The following SEPTIN14 variants were observed in gnomAD, a reference collection of about 807,000 sequenced individuals.
The protein encoded by SEPTIN14 is septin-14.
Under a neutral mutation model 53.6 loss-of-function variants are expected in SEPTIN14, and 40 were observed. That is an observed-to-expected ratio of 0.75 (90% CI 0.58 to 0.97). The LOEUF is 0.97. Ranked by LOEUF, SEPTIN14 falls within the 50% of genes least tolerant of loss-of-function variation. SEPTIN14 has a pLI of 0.00. For synonymous variants in SEPTIN14, 138 were observed against 166.8 expected (o/e 0.83, Z 1.33); for missense variants, 471 against 508.2 (o/e 0.93, Z 0.70).
At position 55,847,443 on chromosome 7, in the gene SEPTIN14, T is replaced by C. The variant is rs144971759; in HGVS notation, c.55-806A>G. ...AGAAACCCCTCCTAAATTGAACATA[T>C]TGTAAGTCAAAACTGCATTTAACAC... On this transcript the variant is annotated intron_variant, in intron 2 of 9. Transcript: ENST00000388975. 2.8e-3 allele frequency among the ~76,000 whole-genome samples: 424 copies of C among 152,276 alleles called. 5 individuals carry two copies. The highest frequency in any genetic ancestry group is 0.01 in the Middle Eastern group (3 of 292).
chr7:55,836,366 TA>T (rs1196386495), intron 5 of SEPTIN14, among the ~76,000 whole-genome samples: 1 of 152,326 alleles, frequency 6.6e-6, no homozygotes, highest in South Asian at 2.1e-4. Flanking sequence ...TCAATATCTG[TA>T]ATATAGTAGA....
At position 55,795,861 on chromosome 7, in the gene SEPTIN14, C is replaced by T. The variant is rs1382714442; in HGVS notation, c.*52G>A. 1.3e-5 allele frequency: 17 copies of T among 1,273,876 alleles called. No homozygotes were observed. Among genetic ancestry groups the T allele is most frequent in the Non-Finnish European group, 1.8e-5 (16 of 892,976 alleles). The allele number at this position is 1,273,876 out of a possible 1,614,324, so 78.9% of individuals were successfully genotyped here. On this transcript the variant is annotated 3_prime_UTR_variant, in exon 10 of 10. Coordinates refer to ENST00000388975, the MANE Select transcript of SEPTIN14 (RefSeq NM_207366.3). The stretch of plus-strand genomic sequence containing the variant: ...GTTAAATGCTACAAAGACAATCTCA[C>T]AGGAAGTTGCGATGTAGAATGATAG...
intron 2 of SEPTIN14, among the ~76,000 whole-genome samples, chr7:55,856,264 G>A (rs922163701): frequency 6.6e-6 from 1 of 152,108 alleles, no homozygotes; most frequent in African/African-American, 2.4e-5. Context: ...ATGAGAACAT[G>A]TGGTATTTGG....
chr7:55,822,205 T>C (rs1018990225), intron 6 of SEPTIN14, among the ~76,000 whole-genome samples: 6 of 152,162 alleles, frequency 3.9e-5, no homozygotes, highest in African/African-American at 1.4e-4. Flanking sequence ...CTGTTTTTCA[T>C]AGTGGTTCTA....
At chr7:55,846,724 A>C (rs568149099) in intron 2 of SEPTIN14, 87 bp from the exon 3 acceptor site, 10 of 642,134 alleles carry the variant, frequency 1.6e-5, no homozygotes, top group Non-Finnish European at 2.6e-5. Context: ...CATCAAATAA[A>C]TTAGAATTGA....
At chr7:55,851,415 GT>G (rs572803494) in intron 2 of SEPTIN14, among the ~76,000 whole-genome samples, 1,694 of 146,550 alleles carry the variant, frequency 0.012, 19 homozygotes, top group African/African-American at 0.031. Context: ...ACTGCATGGA[GT>G]TTTTTTTTTT....
intron 7 of SEPTIN14, among the ~76,000 whole-genome samples, chr7:55,817,136 A>G (rs146107451): frequency 6.3e-4 from 96 of 152,260 alleles, no homozygotes; most frequent in South Asian, 6.2e-3. Flanking sequence ...ATGCATGAAG[A>G]AAAAAAGTGT....
At chr7:55,846,089 A>ATATATATATATATATG (rs1413807430) in intron 3 of SEPTIN14, among the ~76,000 whole-genome samples, 1 of 130,018 alleles carries the variant, frequency 7.7e-6, no homozygotes, top group East Asian at 2.1e-4. Flanking sequence ...ATATATATAT[A>ATATATATATATATATG]TATGTATACA....
intron 2 of SEPTIN14, among the ~76,000 whole-genome samples, chr7:55,856,635 C>T (rs986777628): frequency 7.9e-5 from 12 of 151,974 alleles, no homozygotes; most frequent in Non-Finnish European, 1.3e-4. Flanking sequence ...TCAGGTGATC[C>T]GCCTGTCTTG....
intron 2 of SEPTIN14, among the ~76,000 whole-genome samples, chr7:55,853,556 G>A (rs1012815632): frequency 6.6e-6 from 1 of 152,120 alleles, no homozygotes; most frequent in African/African-American, 2.4e-5. Context: ...GTGAGGGGAT[G>A]GTTAATGGGT....
chr7:55,825,752 A>G (rs1367159682), intron 6 of SEPTIN14, among the ~76,000 whole-genome samples: 2 of 150,556 alleles, frequency 1.3e-5, no homozygotes, highest in Non-Finnish European at 3.0e-5. Context: ...GGATCATTTG[A>G]GGTCAGGAGT....
chr7:55,804,119 G>C (rs1402956371), intron 9 of SEPTIN14, among the ~76,000 whole-genome samples: 1 of 110,558 alleles, frequency 9.0e-6, no homozygotes, highest in Non-Finnish European at 1.7e-5. Context: ...CTGGGTAACA[G>C]AGCAAGACTC....
At chr7:55,800,555 C>T (rs1788508016) in intron 9 of SEPTIN14, among the ~76,000 whole-genome samples, 1 of 151,416 alleles carries the variant, frequency 6.6e-6, no homozygotes, top group African/African-American at 2.4e-5. Context: ...ACCCAGGAGG[C>T]AGAGGTTGCA....
chr7:55,823,403 T>A (rs1021506136), intron 6 of SEPTIN14, among the ~76,000 whole-genome samples: 1 of 152,170 alleles, frequency 6.6e-6, no homozygotes, highest in African/African-American at 2.4e-5. Flanking sequence ...AGCTGTTCCA[T>A]CACTCAATAA....
chr7:55,831,795 A>C (rs1197740347), intron 6 of SEPTIN14, among the ~76,000 whole-genome samples: 1 of 152,218 alleles, frequency 6.6e-6, no homozygotes, highest in Non-Finnish European at 1.5e-5. Context: ...AACCTCATTA[A>C]AAAAGACTGC....
chr7:55,861,629 T>C (rs2116091857), intron 2 of SEPTIN14, among the ~76,000 whole-genome samples: 1 of 152,328 alleles, frequency 6.6e-6, no homozygotes, highest in Non-Finnish European at 1.5e-5. Context: ...TCTGCAAATA[T>C]ATCCATCAAA....
chr7:55,831,307 C>T (rs560965232), intron 6 of SEPTIN14, among the ~76,000 whole-genome samples: 8 of 152,064 alleles, frequency 5.3e-5, no homozygotes, highest in East Asian at 3.9e-4. Flanking sequence ...AATAAAGAAC[C>T]AGTAATAAAA....
In SEPTIN14 at chr7:55,853,572, G is replaced by C. The variant is rs370158391; in HGVS notation, c.55-6935C>G. ...TGAGGGGATGGTTAATGGGTACAAG[G>C]ATATAGTTAGATAGAATGAATAGGG... On this transcript the variant is annotated intron_variant, in intron 2 of 9. Transcript: ENST00000388975. Among the ~76,000 whole-genome samples the C allele has an allele frequency of 1.1e-4, 17 of 152,226 alleles. 1 individual carries two copies. Among genetic ancestry groups the C allele is most frequent in the African/African-American group, 3.4e-4 (14 of 41,548 alleles).
intron 7 of SEPTIN14, among the ~76,000 whole-genome samples, chr7:55,809,535 T>G (rs981989023): frequency 3.3e-5 from 5 of 151,678 alleles, no homozygotes; most frequent in African/African-American, 1.2e-4. Flanking sequence ...TTTGTATTTT[T>G]TAGTAGAGAC....
Sources: gnomAD v4.1 joint callset for allele counts (sites outside exome capture counted in the v4.1 genomes callset) on GRCh38, gnomAD v4.1.1 for gene constraint, MANE v1.5 for transcripts, NCBI Gene and HGNC (gene_info 2026-07-23, HGNC 2026-07-21) for gene names.